Variants in MGAT4C observed in about 807,000 individuals in gnomAD.
The protein encoded by MGAT4C is MGAT4 family member C.
MGAT4C carries 19 observed loss-of-function variants against 40.1 expected under a neutral mutation model. That is an observed-to-expected ratio of 0.47 (90% confidence interval 0.33 to 0.70). The LOEUF (loss-of-function observed/expected upper bound fraction) is 0.70, where lower values mean the gene tolerates loss of function less well. MGAT4C is among the 30% of genes least tolerant of loss of function. The pLI is 0.02. For missense variants in MGAT4C, 491 were observed against 563.2 expected, an observed-to-expected ratio of 0.87 and a Z score of 1.30; for synonymous variants, 181 against 187.1, an observed-to-expected ratio of 0.97 and a Z score of 0.27.
rs1394385852 is a variant in MGAT4C at position 86,309,532 on chromosome 12, A to T, written c.-57+24533T>A. 2.0e-5 allele frequency among the ~76,000 whole-genome samples: 3 copies of T among 152,154 alleles called. No individual in the cohort carries two copies. In the East Asian group the frequency reaches 5.8e-4, roughly 29 times the overall value. On this transcript the variant is annotated intron_variant, in intron 4 of 7. Transcript: ENST00000548651. ...TCAGGAAGCCACTCCAGGAATAACTAACCACTCCAAGGTAACAGCCTAAAT... is the reference window on the plus strand; with the variant it reads ...TCAGGAAGCCACTCCAGGAATAACTTACCACTCCAAGGTAACAGCCTAAAT...
chr12:86,162,097 A>G (rs1317758753), intron 1 of MGAT4C, among the ~76,000 whole-genome samples: 1 of 152,200 alleles, frequency 6.6e-6, no homozygotes, highest in Admixed American at 6.5e-5. Context: ...GATTTCACAA[A>G]TAACTTAAAA....
At chr12:86,797,027 G>A (rs1285213050) in intron 1 of MGAT4C, among the ~76,000 whole-genome samples, 4 of 151,852 alleles carry the variant, frequency 2.6e-5, no homozygotes, top group African/African-American at 9.7e-5. Context: ...AATACACTGG[G>A]TGAATATCTC....
chr12:86,834,698 T>C (rs942149350), intron 1 of MGAT4C, among the ~76,000 whole-genome samples: 2 of 151,562 alleles, frequency 1.3e-5, no homozygotes, highest in African/African-American at 2.4e-5. Flanking sequence ...TCCTTAAGCA[T>C]TGGGTCAAAA....
intron 2 of MGAT4C, among the ~76,000 whole-genome samples, chr12:86,721,488 T>C (rs1427099931): frequency 6.6e-6 from 1 of 152,056 alleles, no homozygotes; most frequent in Non-Finnish European, 1.5e-5. Flanking sequence ...ACCTTTAAAA[T>C]GTTCTTATCC....
intron 3 of MGAT4C, among the ~76,000 whole-genome samples, chr12:86,405,963 T>TATAAAAATATA (rs374129772): frequency 9.9e-6 from 1 of 100,986 alleles, no homozygotes; most frequent in Admixed American, 1.1e-4. Flanking sequence ...TGTATTTATA[T>TATAAAAATATA]TATACATATA....
At chr12:86,546,714 T>C (rs912637036) in intron 2 of MGAT4C, among the ~76,000 whole-genome samples, 1 of 152,086 alleles carries the variant, frequency 6.6e-6, no homozygotes, top group Non-Finnish European at 1.5e-5. Flanking sequence ...TGTAAGTACA[T>C]GGACACAAAT....
At position 86,306,574 on chromosome 12, in the gene MGAT4C, G is replaced by T. The variant is rs796791362; in HGVS notation, c.-57+27491C>A. 4.5e-4 allele frequency among the ~76,000 whole-genome samples: 68 copies of T among 150,360 alleles called. 5 individuals carry two copies. The highest frequency in any genetic ancestry group is 1.5e-3 in the African/African-American group (59 of 39,958). ...GTAAAAAAAGTATGAAGGTATGAAG[G>T]TTTTTCCTTTGTGATGATAAAGCAT... On this transcript the variant is annotated intron_variant, in intron 4 of 7. Coordinates refer to the MGAT4C transcript ENST00000548651.
At chr12:86,018,626 T>C (rs1246601892) in intron 2 of MGAT4C, among the ~76,000 whole-genome samples, 1 of 152,170 alleles carries the variant, frequency 6.6e-6, no homozygotes, top group Non-Finnish European at 1.5e-5. Context: ...TATAATTACA[T>C]TGGGTACAAA....
At chr12:86,728,143 T>C (rs1950853727) in intron 1 of MGAT4C, among the ~76,000 whole-genome samples, 1 of 152,150 alleles carries the variant, frequency 6.6e-6, no homozygotes, top group Non-Finnish European at 1.5e-5. Flanking sequence ...ACGCAATAAA[T>C]GAGAAAAGTT....
chr12:86,557,851 T>C (rs542774992), intron 2 of MGAT4C, among the ~76,000 whole-genome samples: 8 of 152,180 alleles, frequency 5.3e-5, no homozygotes, highest in African/African-American at 1.9e-4. Flanking sequence ...AGAAACATAA[T>C]AGTGCTTCAG....
intron 4 of MGAT4C, chr12:86,333,997 C>A (rs1247263315): frequency 6.6e-6 from 1 of 152,034 alleles, no homozygotes; most frequent in Non-Finnish European, 1.5e-5. Flanking sequence ...TTAACAAATG[C>A]CATATCATAT....
At chr12:86,211,475 T>G (rs544280549) in intron 1 of MGAT4C, among the ~76,000 whole-genome samples, 1 of 134,628 alleles carries the variant, frequency 7.4e-6, no homozygotes, top group Admixed American at 7.7e-5. Context: ...TAGTCCCAGC[T>G]ACTCGGGAGG....
intron 1 of MGAT4C, among the ~76,000 whole-genome samples, chr12:86,091,536 G>A (rs112742382): frequency 3.9e-5 from 6 of 152,132 alleles, no homozygotes; most frequent in African/African-American, 1.2e-4. Flanking sequence ...AAATACCAAT[G>A]TCAGCATCTA....
intron 1 of MGAT4C, among the ~76,000 whole-genome samples, chr12:86,803,819 G>A (rs1213792065): frequency 6.6e-6 from 1 of 150,630 alleles, no homozygotes; most frequent in East Asian, 2.0e-4. Flanking sequence ...CTGTTGGTGG[G>A]ACTGTAAACT....
At chr12:86,043,874 T>G (rs1892130196) in intron 2 of MGAT4C, among the ~76,000 whole-genome samples, 3 of 152,212 alleles carry the variant, frequency 2.0e-5, no homozygotes, top group Non-Finnish European at 2.9e-5. Flanking sequence ...CTTCTGTCAT[T>G]TCAGCCATTT....
intron 1 of MGAT4C, among the ~76,000 whole-genome samples, chr12:86,758,192 A>G (rs191555163): frequency 1.3e-5 from 2 of 152,210 alleles, no homozygotes; most frequent in Admixed American, 6.6e-5. Context: ...TTGGCCTTAC[A>G]CTGGTGTCAC....
At chr12:86,656,331 A>G (rs1489728397) in intron 2 of MGAT4C, among the ~76,000 whole-genome samples, 3 of 152,024 alleles carry the variant, frequency 2.0e-5, no homozygotes, top group African/African-American at 7.2e-5. Context: ...AAACATTTTG[A>G]AAAAAACAAG....
At chr12:86,393,948 A>G (rs1016592882) in intron 3 of MGAT4C, among the ~76,000 whole-genome samples, 13 of 152,206 alleles carry the variant, frequency 8.5e-5, no homozygotes, top group African/African-American at 3.1e-4. Flanking sequence ...TAACCAGTTC[A>G]GGCCAATGAC....
intron 1 of MGAT4C, among the ~76,000 whole-genome samples, chr12:86,196,032 G>A (rs1176088986): frequency 1.3e-5 from 2 of 152,160 alleles, no homozygotes; most frequent in African/African-American, 4.8e-5. Context: ...GCCTGAAGCT[G>A]CTATAACAAA....
Sources: allele counts gnomAD v4.1 joint callset (sites outside exome capture counted in the v4.1 genomes callset), GRCh38; gene constraint gnomAD v4.1.1; transcripts MANE v1.5; gene names NCBI Gene and HGNC (gene_info 2026-07-23, HGNC 2026-07-21).